Variants in PTPRT observed in about 807,000 individuals in gnomAD.
The protein encoded by PTPRT is protein tyrosine phosphatase receptor type T, also known as receptor-type tyrosine-protein phosphatase T.
A neutral mutation model predicts 176.8 loss-of-function variants in PTPRT; 56 were observed. That is an observed-to-expected ratio of 0.32 (90% CI 0.26 to 0.40). The LOEUF (loss-of-function observed/expected upper bound fraction) is 0.40. PTPRT is among the 10% of genes least tolerant of loss of function. The probability of loss-of-function intolerance (pLI) is 1.00; values close to 1 mark genes in which losing one functional copy is unlikely to be tolerated. For synonymous variants in PTPRT, 783 were observed against 739.0 expected (o/e 1.06, Z -0.96); for missense variants, 1,540 against 1,908.2 (o/e 0.81, Z 3.60).
chr20:42,654,501 G>A (rs988482651), intron 7 of PTPRT, among the ~76,000 whole-genome samples: 1 of 152,116 alleles, frequency 6.6e-6, no homozygotes, highest in African/African-American at 2.4e-5. Flanking sequence ...CTCATTGAGG[G>A]CACGAAACTA....
intron 1 of PTPRT, among the ~76,000 whole-genome samples, chr20:43,126,304 T>A (rs1336077249): frequency 6.7e-6 from 1 of 149,362 alleles, no homozygotes; most frequent in Non-Finnish European, 1.5e-5. Flanking sequence ...TGAGCCAACA[T>A]CACGCCATTG....
intron 6 of PTPRT, among the ~76,000 whole-genome samples, chr20:42,707,013 C>T (rs369499976): frequency 3.3e-5 from 5 of 152,080 alleles, no homozygotes; most frequent in African/African-American, 7.2e-5. Flanking sequence ...ATCTACAAGA[C>T]GAGGATGCCA....
At chr20:42,676,967 C>T (rs1327911938) in intron 7 of PTPRT, among the ~76,000 whole-genome samples, 2 of 152,058 alleles carry the variant, frequency 1.3e-5, no homozygotes, top group East Asian at 3.9e-4. Context: ...CCAGCAAACT[C>T]TTACATGGCA....
chr20:42,694,228 C>T (rs985788528), intron 6 of PTPRT, among the ~76,000 whole-genome samples: 1 of 151,718 alleles, frequency 6.6e-6, no homozygotes, highest in African/African-American at 2.4e-5. Context: ...TTAGTAGAGA[C>T]GGGGTTTCAC....
At chr20:42,557,404 A>G (rs372444159) in intron 7 of PTPRT, among the ~76,000 whole-genome samples, 9 of 152,178 alleles carry the variant, frequency 5.9e-5, no homozygotes, top group Middle Eastern at 6.8e-3. Context: ...AGTCCCCCAG[A>G]TCACAGGAGG....
At chr20:42,332,802 T>A (rs1192133968) in intron 11 of PTPRT, among the ~76,000 whole-genome samples, 1 of 152,220 alleles carries the variant, frequency 6.6e-6, no homozygotes, top group African/African-American at 2.4e-5. Context: ...ATTAAAAATT[T>A]TAATGATGAA....
At chr20:42,545,923 G>C (rs754394637) in intron 7 of PTPRT, among the ~76,000 whole-genome samples, 1 of 152,086 alleles carries the variant, frequency 6.6e-6, no homozygotes, top group Admixed American at 6.6e-5. Context: ...TTATATCTCA[G>C]ATAGACATTT....
intron 9 of PTPRT, among the ~76,000 whole-genome samples, chr20:42,443,888 A>G (rs146629192): frequency 1.3e-5 from 2 of 152,368 alleles, no homozygotes; most frequent in East Asian, 3.9e-4. Context: ...AATATCATAG[A>G]TGATGGAAAT....
At chr20:43,154,187 G>C (rs1169284195) in intron 1 of PTPRT, among the ~76,000 whole-genome samples, 1 of 152,146 alleles carries the variant, frequency 6.6e-6, no homozygotes. Context: ...ATTTTCAGTT[G>C]ATTTTTGTAC....
intron 1 of PTPRT, among the ~76,000 whole-genome samples, chr20:42,939,684 G>A (rs1980420764): frequency 6.6e-6 from 1 of 151,950 alleles, no homozygotes; most frequent in African/African-American, 2.4e-5. Context: ...CTCAAACAAG[G>A]TTTTTCTGCC....
At chr20:42,206,430 A>G (rs200553870) in intron 15 of PTPRT, among the ~76,000 whole-genome samples, 1 of 152,122 alleles carries the variant, frequency 6.6e-6, no homozygotes, top group Admixed American at 6.5e-5. Flanking sequence ...TGCGCGCACC[A>G]TGCGCGAGCC....
intron 17 of PTPRT, among the ~76,000 whole-genome samples, chr20:42,155,952 T>G (rs1333513258): frequency 1.3e-5 from 2 of 152,214 alleles, no homozygotes; most frequent in Non-Finnish European, 2.9e-5. Context: ...GTCATTAGTG[T>G]AACAAACACT....
In PTPRT at chr20:42,721,266, C is replaced by T. The variant is rs192915483; in HGVS notation, c.859+35196G>A. On this transcript the variant is annotated intron_variant, in intron 6 of 30. Transcript: ENST00000373187. ...CAAAAGTTAAAATGTATCTTAAAGG[C>T]AGCAGGGAGCCCCTGAAAGACAAGG... 2.2e-4 allele frequency among the ~76,000 whole-genome samples: 33 copies of T among 152,310 alleles called. 1 individual carries two copies. Among genetic ancestry groups the T allele is most frequent in the Admixed American group, 1.8e-3 (28 of 15,310 alleles).
chr20:42,643,576 T>C (rs1477541809), intron 7 of PTPRT, among the ~76,000 whole-genome samples: 1 of 151,284 alleles, frequency 6.6e-6, no homozygotes, highest in East Asian at 1.9e-4. Context: ...CTTGGCCTCC[T>C]AAAGCACTGG....
intron 9 of PTPRT, among the ~76,000 whole-genome samples, chr20:42,394,592 G>T (rs996585783): frequency 6.6e-6 from 1 of 152,110 alleles, no homozygotes; most frequent in South Asian, 2.1e-4. Context: ...AAGCAATTCC[G>T]CAGCTTAGGA....
At chr20:42,714,200 C>G (rs567511369) in intron 6 of PTPRT, among the ~76,000 whole-genome samples, 3 of 152,232 alleles carry the variant, frequency 2.0e-5, no homozygotes, top group South Asian at 4.2e-4. Flanking sequence ...TTCCTTCCAG[C>G]TTTATGTTTC....
chr20:42,526,646 A>G lies in PTPRT; in HGVS notation c.1154-54084T>C, dbSNP rs1178381869. On this transcript the variant is annotated intron_variant, in intron 7 of 30. Coordinates refer to ENST00000373187, the MANE Select transcript of PTPRT (RefSeq NM_007050.6). ...TCTTTTTTTAACTTGTCTTTTTCCTATGCTTTTCCATGATTGTATTATAAG... is the reference window on the plus strand; with the variant it reads ...TCTTTTTTTAACTTGTCTTTTTCCTGTGCTTTTCCATGATTGTATTATAAG... 3.9e-5 allele frequency among the ~76,000 whole-genome samples: 6 copies of G among 151,976 alleles called. No homozygotes were observed. The East Asian group carries it at 7.7e-4, about 20-fold the overall frequency.
chr20:42,539,661 T>TA lies in PTPRT; in HGVS notation c.1154-67100dup, dbSNP rs1032552874. 4.5e-3 allele frequency among the ~76,000 whole-genome samples: 638 copies of TA among 142,300 alleles called. 2 individuals are homozygous for TA. The highest frequency in any genetic ancestry group is 0.014 in the African/African-American group (528 of 38,838). The allele number at this position is 142,300 out of a possible 152,430, so 93.4% of individuals were successfully genotyped here. A position where few individuals can be genotyped will look rare whatever the true frequency, so the allele number is the denominator to read the frequency against. On this transcript the variant is annotated intron_variant, in intron 7 of 30. Transcript: ENST00000373187. ...ACTAAAAAAAAAACCCACATGCATT[T>TA]AAAAAAAAAAACAAACTATTACTAA...
chr20:42,897,078 G>T (rs576084877), intron 1 of PTPRT, among the ~76,000 whole-genome samples: 46 of 152,226 alleles, frequency 3.0e-4, no homozygotes, highest in African/African-American at 1.1e-3. Context: ...GGCAGGGCAC[G>T]TTCCAATTAG....
Sources: allele counts gnomAD v4.1 joint callset (sites outside exome capture counted in the v4.1 genomes callset), GRCh38; gene constraint gnomAD v4.1.1; transcripts MANE v1.5; gene names NCBI Gene and HGNC (gene_info 2026-07-23, HGNC 2026-07-21).